Variants in JAK2 observed in about 807,000 individuals in gnomAD.
JAK2 encodes the protein Janus kinase 2.
A neutral mutation model predicts 139.3 loss-of-function variants in JAK2; 86 were observed. The ratio of observed to expected loss-of-function variants is 0.62; its 90% CI spans 0.52 to 0.74. The LOEUF is 0.74. JAK2 is among the 30% of genes least tolerant of loss of function. JAK2 has a pLI of 0.00. For missense variants in JAK2, 1,421 were observed against 1,360.3 expected, an observed-to-expected ratio of 1.04 and a Z score of -0.70; for synonymous variants, 490 against 437.7, an observed-to-expected ratio of 1.12 and a Z score of -1.49.
At chr9:5,043,408 A>G (rs1004428033) in intron 4 of JAK2, among the ~76,000 whole-genome samples, 1 of 152,230 alleles carries the variant, frequency 6.6e-6, no homozygotes, top group Admixed American at 6.5e-5. Flanking sequence ...TGGGATAATA[A>G]TAGGTCTACA....
At chr9:5,062,445 T>C (rs1818248381) in intron 8 of JAK2, among the ~76,000 whole-genome samples, 1 of 140,864 alleles carries the variant, frequency 7.1e-6, no homozygotes, top group African/African-American at 2.8e-5. Context: ...TTGGAAAAAT[T>C]GCACTGATAG....
intron 22 of JAK2, chr9:5,113,427 A>ATT (rs1564017818): frequency 1.2e-4 from 6 of 50,508 alleles, no homozygotes; most frequent in African/African-American, 2.5e-4. Context: ...AGTTATTTAA[A>ATT]AAAAAAAAAA....
At chr9:5,104,555 T>G (rs1274781388) in intron 22 of JAK2, among the ~76,000 whole-genome samples, 1 of 152,212 alleles carries the variant, frequency 6.6e-6, no homozygotes, top group Non-Finnish European at 1.5e-5. Context: ...CCCTAACTCA[T>G]TTTATGAGGC....
intron 4 of JAK2, among the ~76,000 whole-genome samples, chr9:5,032,385 G>C (rs542645452): frequency 1.3e-5 from 2 of 152,352 alleles, no homozygotes; most frequent in South Asian, 4.1e-4. Context: ...CTGTCTGACA[G>C]CTTTGAAGAG....
At chr9:4,988,205 A>G (rs1299851475) in intron 2 of JAK2, among the ~76,000 whole-genome samples, 3 of 151,326 alleles carry the variant, frequency 2.0e-5, no homozygotes. Context: ...CAGTTTCCCA[A>G]ACTGTGTGCC....
intron 3 of JAK2, among the ~76,000 whole-genome samples, chr9:5,025,016 G>GCTGCAAAT (rs1448251534): frequency 6.6e-6 from 1 of 152,130 alleles, no homozygotes; most frequent in Non-Finnish European, 1.5e-5. Context: ...AAGTAAAAAT[G>GCTGCAAAT]CTGCACAACT....
In JAK2 at chr9:5,127,852, A is replaced by AAGAG. The variant is rs1824099115; in HGVS notation, c.*1063_*1066dup. Reference sequence around the variant, plus strand: ...TCAGAATTTTGCATTGCAGTCATAGAAGAGATTTATTTCCTTTTTAGAGGG... The same window carrying AAGAG: ...TCAGAATTTTGCATTGCAGTCATAGAAGAGAGAGATTTATTTCCTTTTTAGAGGG... On this transcript the variant is annotated 3_prime_UTR_variant, in exon 25 of 25. Transcript: ENST00000381652. 1 of 232,528 alleles carries AAGAG rather than the reference A, an allele frequency of 4.3e-6. No individual in the cohort carries two copies. The highest frequency in any genetic ancestry group is 8.5e-6 in the Non-Finnish European group (1 of 117,410). 14.4% of individuals were successfully genotyped at this position (232,528 alleles called of 1,614,324 possible). A position where few individuals can be genotyped will look rare whatever the true frequency, so the allele number is the denominator to read the frequency against.
chr9:5,095,783 T>C (rs1444931781), intron 22 of JAK2, among the ~76,000 whole-genome samples: 1 of 152,216 alleles, frequency 6.6e-6, no homozygotes, highest in African/African-American at 2.4e-5. Flanking sequence ...ATTACTCATA[T>C]AGGTTGAATG....
At chr9:5,065,256 C>T (rs1397011498) in intron 9 of JAK2, among the ~76,000 whole-genome samples, 1 of 152,026 alleles carries the variant, frequency 6.6e-6, no homozygotes, top group Non-Finnish European at 1.5e-5. Flanking sequence ...ATAAGTTGTA[C>T]AAGTTTAACA....
intron 3 of JAK2, among the ~76,000 whole-genome samples, chr9:5,028,643 TGATCTTTGTTA>T (rs1442151538): frequency 6.6e-6 from 1 of 152,240 alleles, no homozygotes; most frequent in African/African-American, 2.4e-5. Context: ...TGTTTATCAG[TGATCTTTGTTA>T]GATCTTTGGA....
chr9:5,064,525 CAAAAAAA>C (rs1381775824), intron 8 of JAK2, among the ~76,000 whole-genome samples: 6 of 84,716 alleles, frequency 7.1e-5, no homozygotes, highest in Admixed American at 3.7e-4. Context: ...GCAAGACTCT[CAAAAAAA>C]AAAAAAAAGA....
At chr9:5,117,361 G>A (rs1037467241) in intron 22 of JAK2, among the ~76,000 whole-genome samples, 1 of 152,224 alleles carries the variant, frequency 6.6e-6, no homozygotes, top group Admixed American at 6.5e-5. Flanking sequence ...ATAACATGGT[G>A]AGATTCATAT....
rs751517417 is a variant in JAK2 at position 5,073,803 on chromosome 9, C to T, written c.1864+18C>T. 6.9e-7 allele frequency: 1 copy of T among 1,447,268 alleles called. No homozygotes were observed. The highest frequency in any genetic ancestry group is 1.2e-5 in the South Asian group (1 of 85,142). 89.7% of individuals were successfully genotyped at this position (1,447,268 alleles called of 1,614,324 possible). ...AGACGAGAGTAAGTAAAACTACAGG[C>T]TTTCTAATGCCTTTCTCAGAGCATC... is the stretch of plus-strand genomic sequence containing the variant. On this transcript the variant is annotated intron_variant, in intron 14 of 24. Coordinates refer to ENST00000381652, the MANE Select transcript of JAK2 (RefSeq NM_004972.4).
chr9:5,037,013 C>G (rs914042909), intron 4 of JAK2, among the ~76,000 whole-genome samples: 2 of 152,064 alleles, frequency 1.3e-5, no homozygotes, highest in Non-Finnish European at 2.9e-5. Flanking sequence ...AACAAATTTA[C>G]AAGAAAACAA....
At chr9:5,003,237 G>A (rs1178379386) in intron 2 of JAK2, among the ~76,000 whole-genome samples, 1 of 151,878 alleles carries the variant, frequency 6.6e-6, no homozygotes, top group African/African-American at 2.4e-5. Context: ...GGATCAACTT[G>A]TAAATTTCCA....
intron 2 of JAK2, among the ~76,000 whole-genome samples, chr9:5,013,403 G>A (rs1821830887): frequency 6.6e-6 from 1 of 152,172 alleles, no homozygotes; most frequent in South Asian, 2.1e-4. Context: ...TCTTGCAATA[G>A]AATGCAAAAT....
chr9:5,126,218 A>G (rs1307613898), intron 23 of JAK2, 115 bp from the exon 24 acceptor site: 2 of 646,502 alleles, frequency 3.1e-6, no homozygotes, highest in East Asian at 2.8e-5. Flanking sequence ...AAAAGGTTTG[A>G]AAACATACAA....
chr9:5,104,113 A>G (rs1266061992), intron 22 of JAK2, among the ~76,000 whole-genome samples: 3 of 152,342 alleles, frequency 2.0e-5, no homozygotes, highest in Admixed American at 6.5e-5. Flanking sequence ...CAAAAAATCA[A>G]TGAATCCAGG....
Position 5,073,749 on chromosome 9 carries a change from G to GT in JAK2, c.1832dup (p.Leu611PhefsTer32). 2 of 1,612,406 alleles carry GT rather than the reference G, an allele frequency of 1.2e-6. No homozygotes were observed. Among genetic ancestry groups the GT allele is most frequent in the Non-Finnish European group, 1.7e-6 (2 of 1,179,018 alleles). On this transcript the variant is annotated frameshift_variant, in exon 14 of 25. Transcript: ENST00000381652. LOFTEE classifies it high-confidence loss of function. ...GAGCAAGCTTTCTCACAAGCATTTG[G>GT]TTTTAAATTATGGAGTATGTGTCTG...
Sources: gnomAD v4.1 joint callset for allele counts (sites outside exome capture counted in the v4.1 genomes callset) on GRCh38, gnomAD v4.1.1 for gene constraint, MANE v1.5 for transcripts, NCBI Gene and HGNC (gene_info 2026-07-23, HGNC 2026-07-21) for gene names.